The following ROBO2 variants were observed in gnomAD, a reference collection of about 807,000 sequenced individuals.
ROBO2 encodes roundabout homolog 2.
Under a neutral mutation model 160.8 loss-of-function variants are expected in ROBO2, and 53 were observed. The observed-to-expected ratio is 0.33, with a 90% CI of 0.26 to 0.41. The LOEUF is 0.41. Ranked by LOEUF, ROBO2 falls within the 10% of genes least tolerant of loss-of-function variation. ROBO2 has a pLI of 1.00. For synonymous variants in ROBO2, 664 were observed against 611.7 expected (o/e 1.09, Z -1.26); for missense variants, 1,577 against 1,722.4 (o/e 0.92, Z 1.49).
At chr3:76,978,007 C>A (rs1036965609) in intron 2 of ROBO2, among the ~76,000 whole-genome samples, 2 of 152,148 alleles carry the variant, frequency 1.3e-5, no homozygotes, top group Non-Finnish European at 2.9e-5. Flanking sequence ...TGCATTCATG[C>A]AAAGCTCAAG....
intron 2 of ROBO2, among the ~76,000 whole-genome samples, chr3:77,426,070 G>A (rs1377721176): frequency 2.0e-5 from 3 of 152,100 alleles, no homozygotes; most frequent in Admixed American, 2.0e-4. Context: ...CTGTATTGAG[G>A]TTGGATTGGG....
Position 76,825,718 on chromosome 3 carries a change from C to T in ROBO2, c.110-272296C>T, listed in dbSNP as rs565701899. Among the ~76,000 whole-genome samples the T allele has an allele frequency of 3.3e-5, 5 of 150,214 alleles. No homozygotes were observed. The East Asian group carries it at 1.0e-3, about 30-fold the overall frequency. ...GCGACCATCTCCTCAATGACCCTGT[C>T]ATTATCAGTGTGAGTAGTGAGAAAA... On this transcript the variant is annotated intron_variant, in intron 2 of 26. Transcript: ENST00000487694.
At chr3:76,495,636 A>C (rs1191746443) in intron 2 of ROBO2, among the ~76,000 whole-genome samples, 1 of 151,966 alleles carries the variant, frequency 6.6e-6, no homozygotes, top group African/African-American at 2.4e-5. Flanking sequence ...CTTTTAAAGC[A>C]TCCTTAAGCA....
intron 2 of ROBO2, among the ~76,000 whole-genome samples, chr3:76,615,743 T>C (rs1323606740): frequency 6.6e-6 from 1 of 152,170 alleles, no homozygotes; most frequent in East Asian, 1.9e-4. Context: ...AAACCAAGTA[T>C]TTTTACTTTA....
At chr3:77,502,580 G>C (rs1020460574) in intron 5 of ROBO2, among the ~76,000 whole-genome samples, 5 of 152,178 alleles carry the variant, frequency 3.3e-5, no homozygotes, top group African/African-American at 1.2e-4. Flanking sequence ...CTTGCTGAAA[G>C]AGTCAAATGG....
chr3:76,758,897 T>C (rs1428073491), intron 2 of ROBO2, among the ~76,000 whole-genome samples: 2 of 151,832 alleles, frequency 1.3e-5, no homozygotes, highest in Non-Finnish European at 1.5e-5. Flanking sequence ...AAATGATAGA[T>C]GTATATAACA....
intron 2 of ROBO2, among the ~76,000 whole-genome samples, chr3:76,711,884 A>C (rs2093301382): frequency 6.6e-6 from 1 of 152,192 alleles, no homozygotes; most frequent in South Asian, 2.1e-4. Flanking sequence ...CAATGCCAAG[A>C]GCTTCCTCCT....
intron 2 of ROBO2, among the ~76,000 whole-genome samples, chr3:77,476,898 A>G (rs1209534748): frequency 6.6e-6 from 1 of 152,122 alleles, no homozygotes; most frequent in Non-Finnish European, 1.5e-5. Flanking sequence ...TGAACTATGA[A>G]TCTGTCTTCT....
At chr3:76,489,792 G>T (rs562211672) in intron 2 of ROBO2, among the ~76,000 whole-genome samples, 12 of 151,884 alleles carry the variant, frequency 7.9e-5, no homozygotes, top group African/African-American at 2.7e-4. Context: ...AAATAAAAAA[G>T]ATATTATAAA....
chr3:77,566,569 G>A (rs1471171023), intron 12 of ROBO2, among the ~76,000 whole-genome samples: 1 of 152,062 alleles, frequency 6.6e-6, no homozygotes, highest in African/African-American at 2.4e-5. Flanking sequence ...CCAGTGAAAC[G>A]TAGAGAGAGA....
intron 2 of ROBO2, among the ~76,000 whole-genome samples, chr3:76,524,395 T>C (rs1197540399): frequency 1.3e-5 from 2 of 151,956 alleles, no homozygotes; most frequent in Non-Finnish European, 2.9e-5. Flanking sequence ...AGGCAGGTAT[T>C]TGATATATGC....
At chr3:76,408,112 G>C (rs532470786) in intron 2 of ROBO2, among the ~76,000 whole-genome samples, 1 of 151,970 alleles carries the variant, frequency 6.6e-6, no homozygotes, top group Non-Finnish European at 1.5e-5. Flanking sequence ...ACAGCTAAAA[G>C]TATAACAAAA....
intron 2 of ROBO2, among the ~76,000 whole-genome samples, chr3:76,260,073 C>A (rs1392658612): frequency 1.3e-5 from 2 of 152,122 alleles, no homozygotes; most frequent in African/African-American, 4.8e-5. Flanking sequence ...CAGACCTAGA[C>A]AACACATTTG....
intron 2 of ROBO2, among the ~76,000 whole-genome samples, chr3:76,411,127 C>T (rs896818371): frequency 3.3e-5 from 5 of 151,996 alleles, no homozygotes; most frequent in African/African-American, 1.2e-4. Context: ...ATGAACAAAA[C>T]TTGGCAGAGT....
chr3:77,502,300 G>C (rs911466172), intron 5 of ROBO2, among the ~76,000 whole-genome samples: 2 of 152,020 alleles, frequency 1.3e-5, no homozygotes, highest in Admixed American at 6.6e-5. Flanking sequence ...TATAGTCACA[G>C]AATACATCTA....
In ROBO2 at chr3:76,431,918, G is replaced by C. The variant is rs541295652; in HGVS notation, c.109+494316G>C. Among the ~76,000 whole-genome samples, 5 of 152,182 alleles carry C rather than the reference G, an allele frequency of 3.3e-5. No individual in the cohort carries two copies. In the East Asian group the frequency reaches 9.7e-4, roughly 29 times the overall value. ...TTTTGACATTTTGGGACACTGAAAG[G>C]TCAAAAATTAGATACATTGATCTGT... On this transcript the variant is annotated intron_variant, in intron 2 of 26. Coordinates refer to the ROBO2 transcript ENST00000487694.
intron 2 of ROBO2, among the ~76,000 whole-genome samples, chr3:76,235,080 G>A (rs1170418025): frequency 6.6e-6 from 1 of 152,152 alleles, no homozygotes; most frequent in Non-Finnish European, 1.5e-5. Context: ...GGGTGGGTAA[G>A]TTGTAGTGAG....
At chr3:75,947,487 C>T (rs905503290) in intron 2 of ROBO2, among the ~76,000 whole-genome samples, 1 of 151,998 alleles carries the variant, frequency 6.6e-6, no homozygotes, top group Non-Finnish European at 1.5e-5. Flanking sequence ...AGGAAAGTTC[C>T]ATAAATTTAC....
At chr3:77,525,322 A>G (rs983708409) in intron 6 of ROBO2, among the ~76,000 whole-genome samples, 1 of 149,388 alleles carries the variant, frequency 6.7e-6, no homozygotes, top group African/African-American at 2.5e-5. Flanking sequence ...CTAAAATTTT[A>G]TCATAACATT....
Sources: allele counts gnomAD v4.1 joint callset (sites outside exome capture counted in the v4.1 genomes callset), GRCh38; gene constraint gnomAD v4.1.1; transcripts MANE v1.5; gene names NCBI Gene and HGNC (gene_info 2026-07-23, HGNC 2026-07-21).